Variants in KIAA1210 observed in about 807,000 individuals in gnomAD.
The protein encoded by KIAA1210 is acrosomal protein KIAA1210.
Under a neutral mutation model 78.9 loss-of-function variants are expected in KIAA1210, and 48 were observed. That is an observed-to-expected ratio of 0.61 (90% CI 0.48 to 0.77). The LOEUF is 0.77. KIAA1210 is among the 30% of genes least tolerant of loss of function. The probability of loss-of-function intolerance (pLI) is 0.00; values close to 1 mark genes in which losing one functional copy is unlikely to be tolerated. For synonymous variants in KIAA1210, 406 were observed against 404.5 expected (o/e 1.00, Z -0.04); for missense variants, 1,108 against 1,100.0 (o/e 1.01, Z -0.10).
intron 1 of KIAA1210, among the ~76,000 whole-genome samples, chrX:119,125,735 A>ATATATATATATATATATATATATAT (rs5903546): frequency 1.9e-4 from 3 of 15,792 alleles, no homozygotes; most frequent in African/African-American, 5.2e-4. Context: ...ATATATATAT[A>ATATATATATATATATATATATATAT]TTTTTTTTTT....
chrX:119,088,750 C>A lies in KIAA1210; in HGVS notation c.1952G>T (p.Ser651Ile). Residue 651 changes from serine to isoleucine, a missense_variant, in exon 9 of 12, where the codon AGC becomes ATC. Ser to Ile is a moderately radical substitution (Grantham distance 142). Transcript: ENST00000691062. Reference protein sequence around the residue: ...ESKSFVEDLSSSEEELDLRCL... With the variant: ...ESKSFVEDLSISEEELDLRCL... The stretch of plus-strand genomic sequence containing the variant: ...TCTGAGGTCCAGCTCCTCCTCAGAG[C>A]TGCTCAAGTCCTCAACAAAACTTTT... The A allele has an allele frequency of 3.3e-6, 4 of 1,210,900 alleles. No individual in the cohort carries two copies. Among genetic ancestry groups the A allele is most frequent in the East Asian group, 3.0e-5 (1 of 33,844 alleles).
chrX:119,093,816 C>T (rs201889132), intron 7 of KIAA1210, 41 bp from the exon 8 acceptor site: 187 of 1,104,708 alleles, frequency 1.7e-4, no homozygotes, highest in Non-Finnish European at 2.2e-4. Context: ...TACTGAAGTG[C>T]TTTCCAACCA....
chrX:119,097,678 T>C (rs961349544), intron 6 of KIAA1210, among the ~76,000 whole-genome samples: 1 of 112,226 alleles, frequency 8.9e-6, no homozygotes, highest in African/African-American at 3.2e-5. Context: ...CCATTGTATG[T>C]TGATGCAGTG....
Position 119,093,709 on chromosome X carries a change from G to A in KIAA1210, c.913C>T (p.Pro305Ser). ...AGCTTCTTTTCGTTGATTTCTTTTG[G>A]TTTGGTTATGCTCTTTTCTTCTTCA... ...VSEEEKSITK[P>S]KEINEKKLGM... is the part of the protein sequence containing the mutation. The change falls in exon 8 of 12, where the codon CCA becomes TCA. Residue 305 changes from proline to serine, a missense_variant. Coordinates refer to ENST00000691062, the MANE Select transcript of KIAA1210 (RefSeq NM_001394962.1). 8.3e-7 allele frequency: 1 copy of A among 1,209,909 alleles called. No homozygotes were observed. Among genetic ancestry groups the A allele is most frequent in the Non-Finnish European group, 1.1e-6 (1 of 894,604 alleles).
At chrX:119,101,555 A>G (rs1319781922) in intron 6 of KIAA1210, among the ~76,000 whole-genome samples, 1 of 111,483 alleles carries the variant, frequency 9.0e-6, no homozygotes, top group Non-Finnish European at 1.9e-5. Flanking sequence ...GTACTGGCAC[A>G]GAGTGTGAGA....
chrX:119,129,982 AC>A (rs1256816273), upstream of KIAA1210, among the ~76,000 whole-genome samples: 7 of 112,077 alleles, frequency 6.2e-5, no homozygotes, highest in Non-Finnish European at 1.3e-4. Flanking sequence ...CCTTAATCAT[AC>A]CATGATTCAT....
rs1927992153 is a variant in KIAA1210 at position 119,109,153 on chromosome X, T to C, written c.280A>G (p.Met94Val). The stretch of plus-strand genomic sequence containing the variant: ...GATCTTTCAGGCTCAGGACCCAACA[T>C]GAAGATGCTATCATGGGATAGGGCT... ...SKALSHDSIF[M>V]LGPEPERSAS... The change falls in exon 4 of 12, where the codon ATG (methionine) becomes GTG (valine). Residue 94 changes from methionine (M) to valine (V), a missense_variant. Met to Val is a conservative substitution (Grantham distance 21). Transcript: ENST00000691062. The C allele has an allele frequency of 1.7e-6, 2 of 1,207,159 alleles. No homozygotes were observed. Among genetic ancestry groups the C allele is most frequent in the Non-Finnish European group, 1.1e-6 (1 of 892,431 alleles).
Position 119,080,216 on chromosome X carries a change from A to C in KIAA1210, c.*1113T>G, listed in dbSNP as rs1424773013. 2 of 111,822 alleles carry C rather than the reference A, an allele frequency of 1.8e-5. No individual in the cohort carries two copies. The highest frequency in any genetic ancestry group is 3.8e-5 in the Non-Finnish European group (2 of 53,144). 9.2% of individuals were successfully genotyped at this position (111,822 alleles called of 1,213,427 possible). ...CATTGATGGACTAACCCTCCAGAGG[A>C]GTAAGATAATTCCCAAGAAGCATTC... On this transcript the variant is annotated 3_prime_UTR_variant, in exon 12 of 12. Coordinates refer to ENST00000691062, the MANE Select transcript of KIAA1210 (RefSeq NM_001394962.1).
At chrX:119,133,687 A>T (rs1435918744) in intron 2 of KIAA1210, among the ~76,000 whole-genome samples, 2 of 100,377 alleles carry the variant, frequency 2.0e-5, no homozygotes, top group Non-Finnish European at 2.0e-5. Flanking sequence ...TTTTTTTTTT[A>T]AATACTGTGT....
chrX:119,140,415 G>C (rs947881534), intron 2 of KIAA1210, among the ~76,000 whole-genome samples: 2 of 108,547 alleles, frequency 1.8e-5, no homozygotes, highest in Non-Finnish European at 3.8e-5. Flanking sequence ...TGTAATCCCA[G>C]CTATTCAGGA....
At chrX:119,136,692 T>A (rs1379561949) in intron 2 of KIAA1210, among the ~76,000 whole-genome samples, 1 of 111,678 alleles carries the variant, frequency 9.0e-6, no homozygotes, top group Non-Finnish European at 1.9e-5. Flanking sequence ...CTTTAGAAAA[T>A]TTCTAAAAAT....
intron 1 of KIAA1210, among the ~76,000 whole-genome samples, chrX:119,124,696 C>T (rs779656405): frequency 9.0e-6 from 1 of 111,196 alleles, no homozygotes; most frequent in East Asian, 2.8e-4. Flanking sequence ...TGAGTTGAGG[C>T]TGGGCAATAT....
chrX:119,143,242 A>G (rs1437166690), intron 2 of KIAA1210, among the ~76,000 whole-genome samples: 3 of 112,264 alleles, frequency 2.7e-5, no homozygotes, highest in Admixed American at 9.4e-5. Context: ...GGTTTGTCCA[A>G]TGGTTACCTG....
upstream of KIAA1210, chrX:119,150,684 C>T (rs1929277982): frequency 2.3e-6 from 2 of 853,056 alleles, no homozygotes; most frequent in Admixed American, 3.0e-5. Context: ...CACACGCACA[C>T]GCACACCTGC....
In KIAA1210 at chrX:119,089,098, T is replaced by C; in HGVS notation, c.1604A>G (p.Asp535Gly). The part of the protein sequence containing the change: ...QLEDQEAFSF[D>G]LQKAQSKMES... ...CATTTTGGATTGGGCCTTTTGTAAA[T>C]CAAAGCTGAAAGCTTCTTGATCTTC... Residue 535 changes from aspartate to glycine, a missense_variant, in exon 9 of 12, where the codon GAT becomes GGT. Around this residue, in one of 5 missense-constraint regions of KIAA1210, gnomAD observed 672 missense variants for 607.1 expected, o/e 1.11. Transcript: ENST00000691062. 1 of 1,211,951 alleles carries C rather than the reference T, an allele frequency of 8.3e-7. No homozygotes were observed. Among genetic ancestry groups the C allele is most frequent in the South Asian group, 1.8e-5 (1 of 57,009 alleles).
At chrX:119,084,952 A>G (rs886630997) in intron 10 of KIAA1210, among the ~76,000 whole-genome samples, 2 of 111,120 alleles carry the variant, frequency 1.8e-5, no homozygotes, top group Non-Finnish European at 3.8e-5. Flanking sequence ...CGTGATCTTG[A>G]CTCACTACAG....
At chrX:119,114,545 G>A (rs978213959) in intron 3 of KIAA1210, among the ~76,000 whole-genome samples, 5 of 112,172 alleles carry the variant, frequency 4.5e-5, no homozygotes, top group African/African-American at 6.5e-5. Flanking sequence ...CATATAACAC[G>A]CTTTCATTCA....
In KIAA1210 at chrX:119,087,503, C is replaced by T. The variant is rs181689949; in HGVS notation, c.3199G>A (p.Gly1067Arg). ...ATGCCTCCCTTAGGATTAGCACTCC[C>T]TGAATCTGAGAAAACTTGGTGCTTG... is the stretch of plus-strand genomic sequence containing the variant. Reference protein sequence around the residue: ...EVKHQVFSDSGSANPKGGISS... With the variant: ...EVKHQVFSDSRSANPKGGISS... The change falls in exon 9 of 12, where the codon GGG becomes AGG. Residue 1067 changes from glycine to arginine, a missense_variant. Gly to Arg is a moderately radical substitution (Grantham distance 125). Transcript: ENST00000691062. 2 of 1,209,123 alleles carry T rather than the reference C, an allele frequency of 1.7e-6. No homozygotes were observed. The highest frequency in any genetic ancestry group is 3.5e-5 in the African/African-American group (2 of 57,190).
intron 8 of KIAA1210, 60 bp downstream of exon 8, chrX:119,093,607 T>C (rs1208467049): frequency 1.1e-6 from 1 of 893,653 alleles, no homozygotes; most frequent in Non-Finnish European, 1.6e-6. Context: ...CCTATCAACA[T>C]AGCACTGTGC....
Sources: gnomAD v4.1 joint callset for allele counts (sites outside exome capture counted in the v4.1 genomes callset) on GRCh38, gnomAD v4.1.1 for gene constraint, gnomAD v4.1.1 regional missense constraint, MANE v1.5 for transcripts, NCBI Gene and HGNC (gene_info 2026-07-23, HGNC 2026-07-21) for gene names.